TACC1: variants seen among roughly 807,000 people sequenced by gnomAD.
TACC1 encodes transforming acidic coiled-coil-containing protein 1.
In TACC1, 48 loss-of-function variants were observed where a neutral mutation model predicts 84.4. That is an observed-to-expected ratio of 0.57 (90% CI 0.45 to 0.72). The LOEUF is 0.72. Among genes scored for constraint, TACC1 ranks in the 30% least tolerant of loss-of-function variants. The pLI is 0.00. For missense variants in TACC1, 920 were observed against 973.0 expected (o/e 0.95, Z 0.72); for synonymous variants, 372 against 376.3 (o/e 0.99, Z 0.13).
At chr8:38,821,175 A>G (rs1826713968) in intron 3 of TACC1, among the ~76,000 whole-genome samples, 2 of 151,978 alleles carry the variant, frequency 1.3e-5, no homozygotes, top group African/African-American at 4.8e-5. Context: ...GCTGCTCTCC[A>G]GCCTGGGTGA....
At chr8:38,768,911 G>A (rs969486027) in intron 3 of TACC1, among the ~76,000 whole-genome samples, 1 of 150,482 alleles carries the variant, frequency 6.6e-6, no homozygotes, top group African/African-American at 2.5e-5. Flanking sequence ...GTGTGACTGT[G>A]TGTGGTGTGT....
At chr8:38,813,820 G>C (rs569081064) in intron 2 of TACC1, among the ~76,000 whole-genome samples, 7 of 152,266 alleles carry the variant, frequency 4.6e-5, no homozygotes, top group African/African-American at 1.7e-4. Flanking sequence ...TGAGTTCTCT[G>C]TGCACTTTAG....
intron 3 of TACC1, among the ~76,000 whole-genome samples, chr8:38,766,305 T>C (rs1328580386): frequency 6.6e-6 from 1 of 152,274 alleles, no homozygotes; most frequent in African/African-American, 2.4e-5. Flanking sequence ...ATCAATCTTA[T>C]ATGTCTGCTA....
At chr8:38,825,554 C>T (rs1313010238) in intron 4 of TACC1, among the ~76,000 whole-genome samples, 186 bp downstream of exon 4, 3 of 151,918 alleles carry the variant, frequency 2.0e-5, no homozygotes, top group Non-Finnish European at 2.9e-5. Context: ...GGAACCCTTT[C>T]ACAATGACTC....
intron 2 of TACC1, among the ~76,000 whole-genome samples, chr8:38,743,420 A>T (rs960043365): frequency 2.0e-5 from 3 of 152,152 alleles, no homozygotes; most frequent in Non-Finnish European, 4.4e-5. Flanking sequence ...GATTTGCTTG[A>T]TGATAATGGT....
chr8:38,799,474 C>T (rs184561027), intron 2 of TACC1, among the ~76,000 whole-genome samples: 1 of 152,324 alleles, frequency 6.6e-6, no homozygotes, highest in African/African-American at 2.4e-5. Flanking sequence ...GTTTCCCAGA[C>T]CTCTTGGCCG....
chr8:38,762,032 T>C (rs952724207), intron 3 of TACC1, among the ~76,000 whole-genome samples: 3 of 152,228 alleles, frequency 2.0e-5, no homozygotes, highest in African/African-American at 7.2e-5. Context: ...TTGCAACTTC[T>C]AGACTATGAG....
At chr8:38,761,515 A>G (rs1811204084) in intron 3 of TACC1, among the ~76,000 whole-genome samples, 1 of 152,240 alleles carries the variant, frequency 6.6e-6, no homozygotes, top group Admixed American at 6.5e-5. Flanking sequence ...AAAGTCAGCA[A>G]CAGCTAGGGT....
intron 3 of TACC1, among the ~76,000 whole-genome samples, chr8:38,822,160 G>T (rs1000976906): frequency 2.0e-5 from 3 of 150,330 alleles, no homozygotes; most frequent in African/African-American, 4.9e-5. Context: ...CAGGAGGATT[G>T]CTTGAGCCCA....
chr8:38,734,391 C>T lies in TACC1; in HGVS notation c.-675+5720C>T, dbSNP rs527382090. Among the ~76,000 whole-genome samples the T allele has an allele frequency of 4.6e-5, 7 of 152,228 alleles. No individual in the cohort carries two copies. The South Asian group carries it at 1.5e-3, about 32-fold the overall frequency. ...AGTTTTGGTAGAGACGGGGTTTCAC[C>T]ATGTTGGCCAGGCAGGCTGGTCTTG... On this transcript the variant is annotated intron_variant, in intron 1 of 14. Transcript: ENST00000518415.
chr8:38,813,331 A>T (rs1243915360), intron 2 of TACC1, among the ~76,000 whole-genome samples: 1 of 152,174 alleles, frequency 6.6e-6, no homozygotes, highest in Non-Finnish European at 1.5e-5. Context: ...CCATGAAGAG[A>T]TGAATTTAAC....
At chr8:38,733,692 C>T (rs1441277012) in intron 1 of TACC1, among the ~76,000 whole-genome samples, 1 of 151,980 alleles carries the variant, frequency 6.6e-6, no homozygotes, top group Non-Finnish European at 1.5e-5. Context: ...TGCCCAGAGC[C>T]CTCTCCCTCT....
intron 1 of TACC1, among the ~76,000 whole-genome samples, chr8:38,741,157 AT>A (rs34749807): frequency 0.072 from 9,968 of 137,648 alleles, 790 homozygotes; most frequent in African/African-American, 0.22. Context: ...TCATGCTGCT[AT>A]TTTTTTTTTT....
At chr8:38,825,164 CCT>C in intron 3 of TACC1, 142 bp from the exon 4 acceptor site, 2 of 810,932 alleles carry the variant, frequency 2.5e-6, no homozygotes, top group Non-Finnish European at 4.1e-6. Flanking sequence ...GGTGTCCCTG[CCT>C]CTCTCCTGCG....
intron 8 of TACC1, 72 bp from the exon 9 acceptor site, chr8:38,840,152 G>T: frequency 1.7e-6 from 2 of 1,147,884 alleles, no homozygotes; most frequent in Non-Finnish European, 1.3e-6. Context: ...TTAATTGTTT[G>T]GGACAGCATT....
chr8:38,830,170 GTAGT>G (rs773195118), intron 5 of TACC1, among the ~76,000 whole-genome samples: 13 of 152,252 alleles, frequency 8.5e-5, no homozygotes, highest in African/African-American at 2.9e-4. Flanking sequence ...GACAACAATA[GTAGT>G]TAGTGATTGC....
rs568469170 is a variant in TACC1, at chr8:38,739,070, T to C, written c.-674-3281T>C. Among the ~76,000 whole-genome samples, 16 of 152,300 alleles carry C rather than the reference T, an allele frequency of 1.1e-4. 1 individual carries two copies. Among genetic ancestry groups the C allele is most frequent in the South Asian group, 8.3e-4 (4 of 4,822 alleles). On this transcript the variant is annotated intron_variant, in intron 1 of 14. Transcript: ENST00000518415. ...CATGCCCGGCTAATTTTCGTATTTTTAGTAGAGATGGGGTTTCCCCATGTT... is the reference window on the plus strand; with the variant it reads ...CATGCCCGGCTAATTTTCGTATTTTCAGTAGAGATGGGGTTTCCCCATGTT...
chr8:38,766,922 G>T (rs1458938168), intron 3 of TACC1, among the ~76,000 whole-genome samples: 3 of 152,142 alleles, frequency 2.0e-5, no homozygotes, highest in African/African-American at 7.2e-5. Flanking sequence ...TACTAGAAAA[G>T]GAGTTTTTAT....
intron 3 of TACC1, among the ~76,000 whole-genome samples, chr8:38,750,084 G>T (rs944555209): frequency 2.6e-5 from 4 of 152,128 alleles, no homozygotes; most frequent in African/African-American, 9.7e-5. Flanking sequence ...GAGGCAGGAG[G>T]TTTGTTGGAG....
Sources: allele counts gnomAD v4.1 joint callset (sites outside exome capture counted in the v4.1 genomes callset), GRCh38; gene constraint gnomAD v4.1.1; transcripts MANE v1.5; gene names NCBI Gene and HGNC (gene_info 2026-07-23, HGNC 2026-07-21).